Variants in THYN1 observed in about 807,000 individuals in gnomAD.
The protein encoded by THYN1 is thymocyte nuclear protein 1.
In THYN1, 32 loss-of-function variants were observed where a neutral mutation model predicts 30.6. The observed-to-expected ratio is 1.05, with a 90% CI of 0.79 to 1.40. The LOEUF (loss-of-function observed/expected upper bound fraction) is 1.40. THYN1 is among the 40% of genes most tolerant of loss of function. THYN1 has a pLI of 0.00. For missense variants in THYN1, 259 were observed against 272.6 expected, an observed-to-expected ratio of 0.95 and a Z score of 0.35; for synonymous variants, 107 against 90.8, an observed-to-expected ratio of 1.18 and a Z score of -1.01.
At chr11:134,250,390 T>C in intron 2 of THYN1, 47 bp from the exon 3 acceptor site, 1 of 1,605,706 alleles carries the variant, frequency 6.2e-7, no homozygotes, top group South Asian at 1.1e-5. Context: ...CCTTGGCCAG[T>C]TAGTAAGCAC....
rs2076687057 is a variant in THYN1, at chr11:134,253,059, C to T, written c.-177G>A. 2 of 1,390,778 alleles carry T rather than the reference C, an allele frequency of 1.4e-6. No homozygotes were observed. Among genetic ancestry groups the T allele is most frequent in the Admixed American group, 3.4e-5 (1 of 29,314 alleles). 86.2% of individuals were successfully genotyped at this position (1,390,778 alleles called of 1,614,324 possible). ...CTACGTTTGAGCCCTCAAATCCTTCCCTCCGTTATCTGCGCCATTTCCATC... is the reference window on the plus strand; with the variant it reads ...CTACGTTTGAGCCCTCAAATCCTTCTCTCCGTTATCTGCGCCATTTCCATC... On this transcript the variant is annotated 5_prime_UTR_variant, in exon 1 of 7. Transcript: ENST00000341541.
chr11:134,248,663 G>T, intron 6 of THYN1, 146 bp downstream of exon 6: 1 of 1,352,172 alleles, frequency 7.4e-7, no homozygotes, highest in Non-Finnish European at 1.0e-6. Context: ...GGTAACTCTG[G>T]CCACATTCCC....
Position 134,248,968 on chromosome 11 carries a change from C to T in THYN1, c.481-9G>A, listed in dbSNP as rs1565361931. The T allele has an allele frequency of 6.2e-7, 1 of 1,614,144 alleles. No individual in the cohort carries two copies. The highest frequency in any genetic ancestry group is 8.5e-7 in the Non-Finnish European group (1 of 1,180,016). ...ACAAACTGTACATCCACCTATGTGA[C>T]AACAGTGTACATGACAGAAAGACGT... On this transcript the variant is annotated splice_polypyrimidine_tract_variant and intron_variant, in intron 5 of 6. Transcript: ENST00000341541.
chr11:134,248,514 TTA>T (rs752264081), intron 6 of THYN1, 30 bp from the exon 7 acceptor site: 2 of 1,613,126 alleles, frequency 1.2e-6, no homozygotes, highest in Non-Finnish European at 1.7e-6. Context: ...AAAGGAAGGA[TTA>T]GTTTTTAATG....
At chr11:134,250,873 G>T (rs918701858) in intron 2 of THYN1, among the ~76,000 whole-genome samples, 8 of 152,194 alleles carry the variant, frequency 5.3e-5, no homozygotes, top group African/African-American at 1.9e-4. Flanking sequence ...GGGCAGGGTT[G>T]CAACAGAGAC....
In THYN1 at chr11:134,251,162, CTGGCTCTGACTTCATCAGCCAG is replaced by C. The variant is rs1339516053; in HGVS notation, c.168_189del (p.His56GlnfsTer5). On this transcript the variant is annotated frameshift_variant, in exon 2 of 7. Coordinates refer to ENST00000341541, the MANE Select transcript of THYN1 (RefSeq NM_014174.3). LOFTEE classifies it high-confidence loss of function. The stretch of plus-strand genomic sequence containing the variant: ...TCTACACCTTTCTCTAGGCGGCTCT[CTGGCTCTGACTTCATCAGCCAG>C]TGGCTGCTTAGATTCTTCAAACAGT... The C allele has an allele frequency of 6.2e-7, 1 of 1,614,058 alleles. No homozygotes were observed. The highest frequency in any genetic ancestry group is 1.7e-5 in the Admixed American group (1 of 59,992).
At chr11:134,252,720 A>G in intron 1 of THYN1, 120 bp downstream of exon 1, 1 of 1,123,878 alleles carries the variant, frequency 8.9e-7, no homozygotes, top group Non-Finnish European at 1.3e-6. Flanking sequence ...ATTAAGGATA[A>G]TGGAGTAAAA....
At chr11:134,249,727 G>A in intron 4 of THYN1, 101 bp downstream of exon 4, 1 of 1,123,310 alleles carries the variant, frequency 8.9e-7, no homozygotes, top group Non-Finnish European at 1.3e-6. Context: ...GTGGGGGGGA[G>A]TGTACTTTTT....
chr11:134,249,531 G>A (rs1161537656), intron 4 of THYN1, among the ~76,000 whole-genome samples: 1 of 152,054 alleles, frequency 6.6e-6, no homozygotes, highest in East Asian at 1.9e-4. Context: ...TTTCCCCTCT[G>A]CACAGTTAAT....
chr11:134,250,051 TC>T (rs1938978014), intron 3 of THYN1, 131 bp from the exon 4 acceptor site: 2 of 1,046,676 alleles, frequency 1.9e-6, no homozygotes, highest in Non-Finnish European at 1.4e-6. Flanking sequence ...AGAAAGTCCT[TC>T]CCCTTTGCCA....
At position 134,253,245 on chromosome 11, in the gene THYN1, T is replaced by A; in HGVS notation, c.-363A>T. On this transcript the variant is annotated 5_prime_UTR_variant, in exon 1 of 7. Coordinates refer to ENST00000341541, the MANE Select transcript of THYN1 (RefSeq NM_014174.3). ...GTGTTACCTTGTTATCCTTGCTAAT[T>A]AGGATCAACTGAATGGATAATCTAG... 7.6e-7 allele frequency: 1 copy of A among 1,320,308 alleles called. No homozygotes were observed. Among genetic ancestry groups the A allele is most frequent in the East Asian group, 3.4e-5 (1 of 29,704 alleles). The allele number at this position is 1,320,308 out of a possible 1,614,324, so 81.8% of individuals were successfully genotyped here.
intron 5 of THYN1, 103 bp from the exon 6 acceptor site, chr11:134,249,062 T>A (rs1322781015): frequency 3.9e-6 from 6 of 1,547,672 alleles, no homozygotes; most frequent in African/African-American, 2.7e-5. Context: ...TATCACCTCA[T>A]CTGAGTAAGT....
chr11:134,252,797 G>A (rs1395065618), intron 1 of THYN1, 43 bp downstream of exon 1: 4 of 1,612,484 alleles, frequency 2.5e-6, no homozygotes, highest in African/African-American at 2.7e-5. Flanking sequence ...TTCGAGAAAA[G>A]TTTTTTCTTG....
chr11:134,252,980 G>A lies in THYN1; in HGVS notation c.-98C>T. ...CTCCAAAACCCGCGCAGAGCGAGAT[G>A]GAGGCAACGAGAGGCAGCCTAGAAC... On this transcript the variant is annotated 5_prime_UTR_variant, in exon 1 of 7. Coordinates refer to ENST00000341541, the MANE Select transcript of THYN1 (RefSeq NM_014174.3). The A allele has an allele frequency of 6.7e-7, 1 of 1,488,522 alleles. No homozygotes were observed. The highest frequency in any genetic ancestry group is 8.9e-7 in the Non-Finnish European group (1 of 1,122,764). The allele number at this position is 1,488,522 out of a possible 1,614,324, so 92.2% of individuals were successfully genotyped here.
In THYN1 at chr11:134,253,292, T is replaced by C. The variant is rs947277672; in HGVS notation, c.-410A>G. The stretch of plus-strand genomic sequence containing the variant: ...CTAGATGATGAAGTAATTTGCTGGC[T>C]ACAGACCCAACACTCTGCAGACTCG... On this transcript the variant is annotated 5_prime_UTR_variant, in exon 1 of 7. Transcript: ENST00000341541. The C allele has an allele frequency of 5.1e-6, 7 of 1,372,634 alleles. No individual in the cohort carries two copies. In the African/African-American group the frequency reaches 1.0e-4, roughly 20 times the overall value. The allele number at this position is 1,372,634 out of a possible 1,614,324, so 85.0% of individuals were successfully genotyped here. A position where few individuals can be genotyped will look rare whatever the true frequency, so the allele number is the denominator to read the frequency against.
In THYN1 at chr11:134,249,270, C is replaced by G; in HGVS notation, c.385-8G>C. 1 of 1,613,926 alleles carries G rather than the reference C, an allele frequency of 6.2e-7. No homozygotes were observed. The highest frequency in any genetic ancestry group is 8.5e-7 in the Non-Finnish European group (1 of 1,179,830). On this transcript the variant is annotated splice_polypyrimidine_tract_variant and splice_region_variant and intron_variant, in intron 4 of 6. Coordinates refer to ENST00000341541, the MANE Select transcript of THYN1 (RefSeq NM_014174.3). ...GTAAGCCTCTTTCACGATCTGAAAC[C>G]AAAACAAAAGCTTTGAATCATCTGC...
rs946914626 is a variant in THYN1 at position 134,251,920 on chromosome 11, G to A, written c.44-612C>T. ...CCTGGAACACAGTAGGCATTCAGTA[G>A]CTAAGTTGTTAAATTACTATATGAC... is the stretch of plus-strand genomic sequence containing the variant. On this transcript the variant is annotated intron_variant, in intron 1 of 6. Coordinates refer to ENST00000341541, the MANE Select transcript of THYN1 (RefSeq NM_014174.3). The A allele has an allele frequency of 2.0e-5, 3 of 152,238 alleles. No individual in the cohort carries two copies. In the East Asian group the frequency reaches 5.8e-4, roughly 29 times the overall value. 9.4% of individuals were successfully genotyped at this position (152,238 alleles called of 1,614,324 possible). A position where few individuals can be genotyped will look rare whatever the true frequency, so the allele number is the denominator to read the frequency against.
At chr11:134,252,718 T>A (rs1031515732) in intron 1 of THYN1, 122 bp downstream of exon 1, 2 of 1,107,412 alleles carry the variant, frequency 1.8e-6, no homozygotes, top group Non-Finnish European at 2.7e-6. Flanking sequence ...TGATTAAGGA[T>A]AATGGAGTAA....
At position 134,248,589 on chromosome 11, in the gene THYN1, C is replaced by G. The variant is rs1591490175; in HGVS notation, c.632-105G>C. On this transcript the variant is annotated intron_variant, in intron 6 of 6. Transcript: ENST00000341541. ...ACATCTTACATGGTACTAAGGCGAGCAGTCATTCGTTCAAAACTATTTACC... is the reference window on the plus strand; with the variant it reads ...ACATCTTACATGGTACTAAGGCGAGGAGTCATTCGTTCAAAACTATTTACC... 4 of 1,456,754 alleles carry G rather than the reference C, an allele frequency of 2.7e-6. No homozygotes were observed. The East Asian group carries it at 6.8e-5, about 25-fold the overall frequency. 90.2% of individuals were successfully genotyped at this position (1,456,754 alleles called of 1,614,324 possible).
Sources: allele counts gnomAD v4.1 joint callset (sites outside exome capture counted in the v4.1 genomes callset), GRCh38; gene constraint gnomAD v4.1.1; transcripts MANE v1.5; gene names NCBI Gene and HGNC (gene_info 2026-07-23, HGNC 2026-07-21).